Variants in NECAB1 observed in about 807,000 individuals in gnomAD.
NECAB1 encodes the protein N-terminal EF-hand calcium binding protein 1.
NECAB1 carries 29 observed loss-of-function variants against 57.5 expected under a neutral mutation model. The ratio of observed to expected loss-of-function variants is 0.50; its 90% CI spans 0.38 to 0.69. NECAB1 has a LOEUF of 0.69. Ranked by LOEUF, NECAB1 falls within the 30% of genes least tolerant of loss-of-function variation. The pLI is 0.00. For synonymous variants in NECAB1, 142 were observed against 147.7 expected, an observed-to-expected ratio of 0.96 and a Z score of 0.28; for missense variants, 372 against 413.8, an observed-to-expected ratio of 0.90 and a Z score of 0.88.
At chr8:90,923,660 T>C (rs1157886541) in intron 6 of NECAB1, among the ~76,000 whole-genome samples, 1 of 152,148 alleles carries the variant, frequency 6.6e-6, no homozygotes, top group Non-Finnish European at 1.5e-5. Context: ...AGACAAAAAA[T>C]TTCAAAAGAA....
At chr8:90,947,981 T>C (rs1810848909) in intron 10 of NECAB1, among the ~76,000 whole-genome samples, 1 of 152,238 alleles carries the variant, frequency 6.6e-6, no homozygotes, top group South Asian at 2.1e-4. Flanking sequence ...TAAGTAGGAT[T>C]TTAATGTAAT....
rs572984243 is a variant in NECAB1, at chr8:90,940,988, G to A, written c.860+90G>A. On this transcript the variant is annotated intron_variant, in intron 10 of 12. Coordinates refer to ENST00000417640, the MANE Select transcript of NECAB1 (RefSeq NM_022351.5). Reference sequence around the variant, plus strand: ...TACTTTAGACAAGGCTGGGGGTCTAGAAGACAGATATTTGAGAATCCTCAC... The same window carrying A: ...TACTTTAGACAAGGCTGGGGGTCTAAAAGACAGATATTTGAGAATCCTCAC... 4.1e-5 allele frequency: 38 copies of A among 921,864 alleles called. No homozygotes were observed. The African/African-American group carries it at 5.6e-4, about 14-fold the overall frequency. The allele number at this position is 921,864 out of a possible 1,614,324, so 57.1% of individuals were successfully genotyped here. A position where few individuals can be genotyped will look rare whatever the true frequency, so the allele number is the denominator to read the frequency against.
intron 1 of NECAB1, 29 bp from the exon 2 acceptor site, chr8:90,801,662 G>A (rs565527188): frequency 2.2e-5 from 33 of 1,472,114 alleles, no homozygotes; most frequent in Middle Eastern, 2.2e-4. Flanking sequence ...CTAAAATGCT[G>A]ATAAAATTTT....
intron 12 of NECAB1, among the ~76,000 whole-genome samples, chr8:90,953,011 A>G (rs966902424): frequency 3.3e-5 from 5 of 152,196 alleles, no homozygotes; most frequent in Non-Finnish European, 7.4e-5. Flanking sequence ...CTTTGGCATC[A>G]TCATAAATAT....
At chr8:90,863,458 T>A (rs925918366) in intron 3 of NECAB1, among the ~76,000 whole-genome samples, 3 of 152,148 alleles carry the variant, frequency 2.0e-5, no homozygotes, top group Non-Finnish European at 4.4e-5. Flanking sequence ...TTCAAAAGAT[T>A]AAGACATTCT....
chr8:90,846,946 C>A (rs1306559729), intron 3 of NECAB1, among the ~76,000 whole-genome samples: 1 of 152,236 alleles, frequency 6.6e-6, no homozygotes, highest in East Asian at 1.9e-4. Flanking sequence ...ACAGCCAAAC[C>A]ATATCATTGT....
intron 2 of NECAB1, among the ~76,000 whole-genome samples, chr8:90,816,563 A>C (rs1321991138): frequency 6.6e-6 from 1 of 151,780 alleles, no homozygotes; most frequent in Non-Finnish European, 1.5e-5. Flanking sequence ...TGATTTATGC[A>C]CTATTTGTTG....
intron 5 of NECAB1, among the ~76,000 whole-genome samples, chr8:90,902,072 C>T (rs1007928113): frequency 6.6e-6 from 1 of 152,138 alleles, no homozygotes; most frequent in African/African-American, 2.4e-5. Context: ...TATTCTTTCT[C>T]TTAAAAATAA....
chr8:90,908,585 T>C (rs1204304821), intron 5 of NECAB1, among the ~76,000 whole-genome samples: 2 of 152,162 alleles, frequency 1.3e-5, no homozygotes, highest in African/African-American at 2.4e-5. Context: ...CTCAAACATA[T>C]GAATATAGTA....
intron 4 of NECAB1, among the ~76,000 whole-genome samples, chr8:90,874,565 A>G (rs1332283642): frequency 2.0e-5 from 3 of 152,174 alleles, no homozygotes; most frequent in Non-Finnish European, 4.4e-5. Context: ...GTATATTGAC[A>G]TTGATATATA....
chr8:90,906,556 T>G (rs1037703440), intron 5 of NECAB1, among the ~76,000 whole-genome samples: 1 of 152,094 alleles, frequency 6.6e-6, no homozygotes, highest in Non-Finnish European at 1.5e-5. Context: ...TGTCAGTCTC[T>G]TTGTCTCCTG....
At chr8:90,917,694 G>C in intron 6 of NECAB1, 66 bp downstream of exon 6, 2 of 1,454,610 alleles carry the variant, frequency 1.4e-6, no homozygotes, top group Non-Finnish European at 1.8e-6. Context: ...ACAATTGAGA[G>C]GCATTGTACT....
intron 3 of NECAB1, among the ~76,000 whole-genome samples, chr8:90,865,094 C>T (rs1343798295): frequency 1.3e-5 from 2 of 151,758 alleles, no homozygotes; most frequent in Non-Finnish European, 2.9e-5. Flanking sequence ...GGAAGAAGGG[C>T]GGAGCAGAAC....
chr8:90,877,559 T>C (rs1473580927), intron 4 of NECAB1, among the ~76,000 whole-genome samples: 2 of 152,092 alleles, frequency 1.3e-5, no homozygotes, highest in African/African-American at 4.8e-5. Context: ...ACAAATCACC[T>C]GGGGGTCTTA....
At chr8:90,851,020 T>G (rs1812671759) in intron 3 of NECAB1, among the ~76,000 whole-genome samples, 1 of 152,184 alleles carries the variant, frequency 6.6e-6, no homozygotes, top group Admixed American at 6.5e-5. Context: ...GGCTAGAGAT[T>G]GACTCAGTCA....
At chr8:90,873,553 G>A (rs763471226) in intron 4 of NECAB1, among the ~76,000 whole-genome samples, 1 of 152,194 alleles carries the variant, frequency 6.6e-6, no homozygotes, top group Admixed American at 6.5e-5. Flanking sequence ...CATTAAGGTA[G>A]CAGACCCATT....
chr8:90,799,984 G>A (rs1340589068), intron 1 of NECAB1, among the ~76,000 whole-genome samples: 1 of 152,086 alleles, frequency 6.6e-6, no homozygotes, highest in Admixed American at 6.5e-5. Flanking sequence ...ATTTCTTTCA[G>A]CAGTGTTTTG....
intron 5 of NECAB1, among the ~76,000 whole-genome samples, chr8:90,907,022 A>G (rs1809694520): frequency 6.7e-6 from 1 of 150,236 alleles, no homozygotes; most frequent in Non-Finnish European, 1.5e-5. Context: ...AGTAGCTGGG[A>G]CCACAGGCAC....
intron 1 of NECAB1, among the ~76,000 whole-genome samples, chr8:90,793,448 C>A (rs1220088027): frequency 6.6e-6 from 1 of 152,148 alleles, no homozygotes; most frequent in Non-Finnish European, 1.5e-5. Context: ...TGGTTAAGTA[C>A]CTTATCCTTC....
Sources: gnomAD v4.1 joint callset for allele counts (sites outside exome capture counted in the v4.1 genomes callset) on GRCh38, gnomAD v4.1.1 for gene constraint, MANE v1.5 for transcripts, NCBI Gene and HGNC (gene_info 2026-07-23, HGNC 2026-07-21) for gene names.